Variants in ZSCAN23 observed in about 807,000 individuals in gnomAD.
The protein encoded by ZSCAN23 is zinc finger and SCAN domain containing 23.
ZSCAN23 carries 19 observed loss-of-function variants against 19.3 expected under a neutral mutation model. The ratio of observed to expected loss-of-function variants is 0.99; its 90% CI spans 0.69 to 1.45. The LOEUF is 1.45. Among genes scored for constraint, ZSCAN23 ranks in the 40% most tolerant of loss-of-function variants. ZSCAN23 has a pLI of 0.00. For synonymous variants in ZSCAN23, 140 were observed against 166.2 expected, an observed-to-expected ratio of 0.84 and a Z score of 1.21; for missense variants, 372 against 462.5, an observed-to-expected ratio of 0.80 and a Z score of 1.79.
Position 28,440,337 on chromosome 6 carries a change from A to G in ZSCAN23, c.-78+3062T>C, listed in dbSNP as rs146642444. On this transcript the variant is annotated intron_variant, in intron 1 of 3. Coordinates refer to ENST00000289788, the MANE Select transcript of ZSCAN23 (RefSeq NM_001012455.2). The stretch of plus-strand genomic sequence containing the variant: ...ATATGGAAACCACTGGGGATTTTTG[A>G]GCCAAGGGGTAACAAAATTTTACTT... 4.6e-5 allele frequency among the ~76,000 whole-genome samples: 7 copies of G among 152,306 alleles called. No individual in the cohort carries two copies. The East Asian group carries it at 1.4e-3, about 29-fold the overall frequency.
intron 1 of ZSCAN23, among the ~76,000 whole-genome samples, chr6:28,440,853 TG>T (rs1397610638): frequency 6.6e-6 from 1 of 152,180 alleles, no homozygotes; most frequent in Non-Finnish European, 1.5e-5. Flanking sequence ...CACCTGATTT[TG>T]CTTTTATCTG....
At chr6:28,422,749 G>T in the ZSCAN23 span, among the ~76,000 whole-genome samples, 10,520 of 152,160 alleles carry the variant, frequency 0.069, 424 homozygotes, top group South Asian at 0.17. This position sits in a 1 kb window ranked among gnomAD's most constrained non-coding sequence, Gnocchi z 4.0. Flanking sequence ...AGAAAGAAAA[G>T]AATCATAATC....
downstream of ZSCAN23, among the ~76,000 whole-genome samples, chr6:28,429,446 C>G (rs1761713521): frequency 6.6e-6 from 1 of 152,082 alleles, no homozygotes; most frequent in Non-Finnish European, 1.5e-5. Context: ...TACAGATACA[C>G]AATATCGTGA....
chr6:28,432,120 C>T (rs1400654263), downstream of ZSCAN23: 2 of 152,160 alleles, frequency 1.3e-5, no homozygotes, highest in Non-Finnish European at 2.9e-5. Context: ...ATTTTTAAGG[C>T]AATAAAAGAC....
intron 1 of ZSCAN23, among the ~76,000 whole-genome samples, chr6:28,438,727 A>G (rs1289385317): frequency 6.6e-6 from 1 of 152,180 alleles, no homozygotes; most frequent in Non-Finnish European, 1.5e-5. Context: ...ACCTGCCCCC[A>G]TAATTAAATT....
rs564690849 is a variant in ZSCAN23, at chr6:28,437,518, G to A, written c.-77-1175C>T. On this transcript the variant is annotated intron_variant, in intron 1 of 3. Transcript: ENST00000289788. ...GAATCGCTTGAACCCGGGAGGCAGA[G>A]GTTGCAGTGGACTGAGATCACACTA... Among the ~76,000 whole-genome samples the A allele has an allele frequency of 6.6e-5, 10 of 152,276 alleles. No individual in the cohort carries two copies. In the South Asian group the frequency reaches 2.1e-3, roughly 32 times the overall value.
intron 1 of ZSCAN23, among the ~76,000 whole-genome samples, chr6:28,436,595 T>C (rs1761894033): frequency 6.6e-6 from 1 of 152,134 alleles, no homozygotes; most frequent in African/African-American, 2.4e-5. Context: ...TCAAATCAGC[T>C]TGAGTATATT....
chr6:28,426,654 T>C, the ZSCAN23 span, among the ~76,000 whole-genome samples: 1 of 152,242 alleles, frequency 6.6e-6, no homozygotes, highest in Non-Finnish European at 1.5e-5. Flanking sequence ...GGAAAAATGG[T>C]GTTGACAGAC....
chr6:28,421,999 A>G, the ZSCAN23 span, among the ~76,000 whole-genome samples: 755 of 151,774 alleles, frequency 5.0e-3, 6 homozygotes, highest in African/African-American at 0.017. Flanking sequence ...TTTAAAATTC[A>G]TATCTTTTAC....
At chr6:28,442,900 G>A (rs1445025318) in intron 1 of ZSCAN23, among the ~76,000 whole-genome samples, 1 of 152,168 alleles carries the variant, frequency 6.6e-6, no homozygotes, top group Non-Finnish European at 1.5e-5. Flanking sequence ...TTTGTAAAGT[G>A]CTTAGAACAG....
the ZSCAN23 span, among the ~76,000 whole-genome samples, chr6:28,422,476 G>T: frequency 6.6e-6 from 1 of 152,042 alleles, no homozygotes; most frequent in Non-Finnish European, 1.5e-5. This position sits in a 1 kb window ranked among gnomAD's most constrained non-coding sequence, Gnocchi z 4.0. Context: ...GCATGCATGC[G>T]TGCTTTCCCA....
chr6:28,437,525 G>A (rs964214634), intron 1 of ZSCAN23, among the ~76,000 whole-genome samples: 2 of 152,136 alleles, frequency 1.3e-5, no homozygotes, highest in African/African-American at 4.8e-5. Context: ...AGAGGTTGCA[G>A]TGGACTGAGA....
intron 1 of ZSCAN23, among the ~76,000 whole-genome samples, chr6:28,437,970 A>G (rs539831645): frequency 1.1e-4 from 16 of 152,140 alleles, no homozygotes; most frequent in Non-Finnish European, 2.2e-4. Flanking sequence ...GGGTTGTGAC[A>G]CACCACATAG....
chr6:28,428,453 A>G (rs1426572878), downstream of ZSCAN23, among the ~76,000 whole-genome samples: 1 of 152,222 alleles, frequency 6.6e-6, no homozygotes, highest in Admixed American at 6.5e-5. Flanking sequence ...AGTGTGTGAC[A>G]GGCAGTTCTC....
chr6:28,431,469 G>A (rs7740429), downstream of ZSCAN23, among the ~76,000 whole-genome samples: 41,461 of 152,066 alleles, frequency 0.27, 6,087 homozygotes, highest in African/African-American at 0.38. Flanking sequence ...CCACTAATAT[G>A]CTAATTAGAT....
intron 1 of ZSCAN23, among the ~76,000 whole-genome samples, chr6:28,440,811 C>A (rs1761984388): frequency 6.6e-6 from 1 of 152,152 alleles, no homozygotes; most frequent in African/African-American, 2.4e-5. Context: ...CCTATTTTCT[C>A]TGTATACTCT....
the ZSCAN23 span, among the ~76,000 whole-genome samples, chr6:28,425,216 G>A: frequency 2.8e-4 from 43 of 152,200 alleles, no homozygotes; most frequent in African/African-American, 6.5e-4. Flanking sequence ...GGTCTCAACA[G>A]TGGGCTTAAA....
At chr6:28,425,093 A>G in the ZSCAN23 span, among the ~76,000 whole-genome samples, 1 of 152,254 alleles carries the variant, frequency 6.6e-6, no homozygotes, top group Non-Finnish European at 1.5e-5. Flanking sequence ...GTTAGCAGGC[A>G]TGAAAACAAT....
chr6:28,438,784 T>G (rs1258499659), intron 1 of ZSCAN23, among the ~76,000 whole-genome samples: 2 of 152,116 alleles, frequency 1.3e-5, no homozygotes, highest in Admixed American at 6.5e-5. Flanking sequence ...TATGAGAAAT[T>G]GGGAACTATA....
Sources: allele counts gnomAD v4.1 joint callset (sites outside exome capture counted in the v4.1 genomes callset), GRCh38; gene constraint gnomAD v4.1.1; non-coding constraint Gnocchi (gnomAD v3.1); transcripts MANE v1.5; gene names NCBI Gene and HGNC (gene_info 2026-07-23, HGNC 2026-07-21).